The following NEGR1 variants were observed in gnomAD, a reference collection of about 807,000 sequenced individuals.
NEGR1 encodes the protein neuronal growth regulator 1.
NEGR1 carries 10 observed loss-of-function variants against 40.9 expected under a neutral mutation model. The observed-to-expected ratio is 0.24, with a 90% CI of 0.15 to 0.42. The LOEUF is 0.42. NEGR1 is among the 10% of genes least tolerant of loss of function. The pLI is 1.00. For synonymous variants in NEGR1, 185 were observed against 166.8 expected, an observed-to-expected ratio of 1.11 and a Z score of -0.84; for missense variants, 352 against 438.9, an observed-to-expected ratio of 0.80 and a Z score of 1.77.
At chr1:71,603,341 A>G (rs1649983772) in intron 5 of NEGR1, among the ~76,000 whole-genome samples, 1 of 152,234 alleles carries the variant, frequency 6.6e-6, no homozygotes, top group Non-Finnish European at 1.5e-5. Context: ...AGATAAAAGC[A>G]AAAGAGAAAC....
At chr1:72,180,123 A>G (rs559228000) in intron 1 of NEGR1, among the ~76,000 whole-genome samples, 19 of 152,182 alleles carry the variant, frequency 1.2e-4, no homozygotes, top group African/African-American at 4.6e-4. Context: ...TTACTGATTT[A>G]AAATTATATT....
At position 71,581,742 on chromosome 1, in the gene NEGR1, G is replaced by A. The variant is rs541337062; in HGVS notation, c.940+11075C>T. Reference sequence around the variant, plus strand: ...ATTTGAGACCGGGTCTCACTCTGCCGTCCAGGCTGCAGTGCAGTGGCGTGT... The same window carrying A: ...ATTTGAGACCGGGTCTCACTCTGCCATCCAGGCTGCAGTGCAGTGGCGTGT... On this transcript the variant is annotated intron_variant, in intron 6 of 6. Transcript: ENST00000357731. Among the ~76,000 whole-genome samples the A allele has an allele frequency of 8.3e-5, 12 of 145,352 alleles. No homozygotes were observed. In the South Asian group the frequency reaches 8.7e-4, roughly 11 times the overall value.
intron 6 of NEGR1, among the ~76,000 whole-genome samples, chr1:71,417,897 A>G (rs945382816): frequency 3.3e-5 from 5 of 152,296 alleles, no homozygotes; most frequent in African/African-American, 1.2e-4. Flanking sequence ...TGTGTATCTC[A>G]GAGTTCTAGA....
intron 6 of NEGR1, among the ~76,000 whole-genome samples, chr1:71,507,442 T>C (rs1269727964): frequency 6.6e-6 from 1 of 152,152 alleles, no homozygotes; most frequent in Non-Finnish European, 1.5e-5. Flanking sequence ...TGTAATGCAA[T>C]ACTCGGGAAT....
intron 6 of NEGR1, among the ~76,000 whole-genome samples, 193 bp downstream of exon 6, chr1:71,592,624 A>G (rs1649538025): frequency 6.6e-6 from 1 of 152,088 alleles, no homozygotes; most frequent in Non-Finnish European, 1.5e-5. Context: ...TTCTACAGGG[A>G]TTATAAAATC....
At chr1:71,561,938 T>G (rs931400752) in intron 6 of NEGR1, among the ~76,000 whole-genome samples, 2 of 151,106 alleles carry the variant, frequency 1.3e-5, no homozygotes, top group Non-Finnish European at 3.0e-5. Flanking sequence ...CTTTTTTTTT[T>G]TTTTTTAAAG....
chr1:71,660,741 C>A (rs541299741), intron 4 of NEGR1, among the ~76,000 whole-genome samples: 1 of 152,042 alleles, frequency 6.6e-6, no homozygotes, highest in Admixed American at 6.6e-5. Flanking sequence ...GGGATACATG[C>A]GCACAACCTG....
At chr1:72,145,542 T>C (rs1205819054) in intron 1 of NEGR1, among the ~76,000 whole-genome samples, 2 of 152,154 alleles carry the variant, frequency 1.3e-5, no homozygotes, top group African/African-American at 2.4e-5. Context: ...CTTGCTTTTC[T>C]ACATTGTTTT....
intron 1 of NEGR1, among the ~76,000 whole-genome samples, chr1:72,044,787 A>C: frequency 6.6e-6 from 1 of 152,000 alleles, no homozygotes; most frequent in East Asian, 1.9e-4. Context: ...AAGGAAAATT[A>C]TCAGATGTAT....
At chr1:71,462,503 G>T (rs1373994478) in intron 6 of NEGR1, among the ~76,000 whole-genome samples, 1 of 152,050 alleles carries the variant, frequency 6.6e-6, no homozygotes, top group Non-Finnish European at 1.5e-5. Context: ...CCCCCTACCA[G>T]CCTGGTGACT....
At chr1:72,168,008 T>TA (rs1651827249) in intron 1 of NEGR1, among the ~76,000 whole-genome samples, 1 of 36,314 alleles carries the variant, frequency 2.8e-5, no homozygotes, top group African/African-American at 8.6e-5. Context: ...TATTATTATT[T>TA]TTTTTTTTTT....
chr1:72,002,167 G>C (rs1646563351), intron 1 of NEGR1, among the ~76,000 whole-genome samples: 1 of 151,748 alleles, frequency 6.6e-6, no homozygotes, highest in Non-Finnish European at 1.5e-5. Flanking sequence ...ATTTGGGCCT[G>C]GACTTAAACT....
intron 2 of NEGR1, among the ~76,000 whole-genome samples, chr1:71,917,135 G>A (rs189358045): frequency 6.6e-6 from 1 of 152,190 alleles, no homozygotes; most frequent in Non-Finnish European, 1.5e-5. Flanking sequence ...GGCGCCAATG[G>A]CTACTCATAA....
intron 3 of NEGR1, among the ~76,000 whole-genome samples, chr1:71,774,300 C>T (rs901257393): frequency 2.6e-5 from 4 of 152,100 alleles, no homozygotes; most frequent in Non-Finnish European, 4.4e-5. Context: ...TTATACCCCA[C>T]GGAGAGTCCT....
At chr1:71,714,251 T>A (rs1378973212) in intron 3 of NEGR1, among the ~76,000 whole-genome samples, 1 of 151,982 alleles carries the variant, frequency 6.6e-6, no homozygotes, top group African/African-American at 2.4e-5. Context: ...GGGAAAACCA[T>A]CCCCATGATT....
At chr1:71,620,756 T>C (rs1309892075) in intron 4 of NEGR1, among the ~76,000 whole-genome samples, 1 of 151,938 alleles carries the variant, frequency 6.6e-6, no homozygotes, top group Non-Finnish European at 1.5e-5. Flanking sequence ...ATGAAAATAA[T>C]CTAGTTTGTA....
intron 4 of NEGR1, among the ~76,000 whole-genome samples, chr1:71,674,897 G>T (rs1652563533): frequency 6.6e-6 from 1 of 151,280 alleles, no homozygotes; most frequent in South Asian, 2.1e-4. Context: ...TTTGTTTAAT[G>T]TATGTTTTCA....
At chr1:71,891,511 TA>T (rs1660856303) in intron 2 of NEGR1, among the ~76,000 whole-genome samples, 1 of 11,978 alleles carries the variant, frequency 8.3e-5, no homozygotes, top group Admixed American at 1.6e-3. Flanking sequence ...CTCCCAAGAC[TA>T]AACCAGGAAG....
intron 1 of NEGR1, among the ~76,000 whole-genome samples, chr1:72,217,667 G>A (rs914440848): frequency 6.6e-6 from 1 of 151,824 alleles, no homozygotes; most frequent in African/African-American, 2.4e-5. Context: ...TATTGAGACT[G>A]AGGTAGAAAA....
Sources: gnomAD v4.1 joint callset for allele counts (sites outside exome capture counted in the v4.1 genomes callset) on GRCh38, gnomAD v4.1.1 for gene constraint, MANE v1.5 for transcripts, NCBI Gene and HGNC (gene_info 2026-07-23, HGNC 2026-07-21) for gene names.